The following EBF3 variants were observed in gnomAD, a reference collection of about 807,000 sequenced individuals.
EBF3 encodes the protein transcription factor COE3.
In EBF3, 18 loss-of-function variants were observed where a neutral mutation model predicts 77.1. The observed-to-expected ratio is 0.23, with a 90% CI of 0.16 to 0.35. The LOEUF is 0.35. Ranked by LOEUF, EBF3 falls within the 10% of genes least tolerant of loss-of-function variation. The probability of loss-of-function intolerance (pLI) is 1.00; values close to 1 mark genes in which losing one functional copy is unlikely to be tolerated. For synonymous variants in EBF3, 350 were observed against 343.5 expected (o/e 1.02, Z -0.21); for missense variants, 558 against 860.0 (o/e 0.65, Z 4.39).
chr10:129,851,704 G>A (rs188916404), intron 10 of EBF3, among the ~76,000 whole-genome samples: 40 of 152,268 alleles, frequency 2.6e-4, no homozygotes, highest in African/African-American at 8.9e-4. Context: ...GGGTTGCTGC[G>A]TATAAGAGAT....
At chr10:129,908,595 T>A (rs1229699176) in intron 6 of EBF3, among the ~76,000 whole-genome samples, 1 of 152,150 alleles carries the variant, frequency 6.6e-6, no homozygotes, top group Non-Finnish European at 1.5e-5. Flanking sequence ...CCAAGAAAAC[T>A]CAGACAAAGC....
chr10:129,861,387 G>A lies in EBF3; in HGVS notation c.1039+5754C>T, dbSNP rs573607442. ...AACAAAGGACAAAAACTAAAGTGGCGTCAGGAGAAGTTGTGTTGTTGGAGT... is the reference window on the plus strand; with the variant it reads ...AACAAAGGACAAAAACTAAAGTGGCATCAGGAGAAGTTGTGTTGTTGGAGT... On this transcript the variant is annotated intron_variant, in intron 10 of 16. Coordinates refer to ENST00000440978, the MANE Select transcript of EBF3 (RefSeq NM_001375380.1). This position sits in a 1 kb window ranked among gnomAD's most constrained non-coding sequence, Gnocchi z 4.3. 2.6e-5 allele frequency among the ~76,000 whole-genome samples: 4 copies of A among 152,304 alleles called. No homozygotes were observed. Among genetic ancestry groups the A allele is most frequent in the Admixed American group, 1.3e-4 (2 of 15,292 alleles).
In EBF3 at chr10:129,909,191, C is replaced by G. The variant is rs543298612; in HGVS notation, c.555-31342G>C. On this transcript the variant is annotated intron_variant, in intron 6 of 16. Transcript: ENST00000440978. ...CCACTGCCCAGAACCCATGATCTCC[C>G]CATGGCTGCCCTGGATGGAAGAGGC... 4.6e-5 allele frequency among the ~76,000 whole-genome samples: 7 copies of G among 152,340 alleles called. No homozygotes were observed. The East Asian group carries it at 1.2e-3, about 25-fold the overall frequency.
intron 8 of EBF3, among the ~76,000 whole-genome samples, chr10:129,872,687 G>A (rs1003517088): frequency 1.3e-5 from 2 of 152,122 alleles, no homozygotes; most frequent in African/African-American, 2.4e-5. Flanking sequence ...TCAGAATCTC[G>A]TAATTATTAT....
intron 3 of EBF3, among the ~76,000 whole-genome samples, 187 bp downstream of exon 3, chr10:129,962,755 C>G (rs1564930643): frequency 5.9e-5 from 9 of 152,178 alleles, no homozygotes; most frequent in Admixed American, 5.2e-4. Flanking sequence ...ACTTCAAGCC[C>G]CACCGGTTAA....
chr10:129,900,979 A>T (rs750211438), intron 6 of EBF3, among the ~76,000 whole-genome samples: 1 of 152,298 alleles, frequency 6.6e-6, no homozygotes, highest in Middle Eastern at 3.4e-3. Context: ...ACCAGGTATT[A>T]CCCAACACCC....
At chr10:129,960,562 C>T (rs966754323) in intron 4 of EBF3, among the ~76,000 whole-genome samples, 8 of 151,178 alleles carry the variant, frequency 5.3e-5, no homozygotes, top group South Asian at 2.1e-4. Context: ...GTAGCACAAA[C>T]AGAAATCCAT....
At position 129,873,504 on chromosome 10, in the gene EBF3, C is replaced by T. The variant is rs1295551765; in HGVS notation, c.729G>A (p.Arg243=). The change falls in exon 8 of 17, where the codon CGG becomes CGA. Residue 243 remains arginine, a synonymous_variant. Coordinates refer to ENST00000440978, the MANE Select transcript of EBF3 (RefSeq NM_001375380.1). ...FVHNNSKHGR[R]ARRLDPSEGT... Reference sequence around the variant, plus strand: ...CTTCTGACGGGTCTAGGCGGCGGGCCCGCCTCCCGTGTTTGGAATTGTTGT... The same window carrying T: ...CTTCTGACGGGTCTAGGCGGCGGGCTCGCCTCCCGTGTTTGGAATTGTTGT... The T allele has an allele frequency of 1.3e-6, 2 of 1,592,668 alleles. No homozygotes were observed. Among genetic ancestry groups the T allele is most frequent in the Non-Finnish European group, 1.7e-6 (2 of 1,167,136 alleles).
chr10:129,837,887 G>C lies in EBF3; in HGVS notation c.*56C>G, dbSNP rs766655559. On this transcript the variant is annotated 3_prime_UTR_variant, in exon 17 of 17. Transcript: ENST00000440978. ...ATACTAAACGTGTCCCCTGAAGTCC[G>C]TCCTTTGATGCTGGGTGCTGCGGAA... The C allele has an allele frequency of 1.9e-6, 3 of 1,613,652 alleles. No homozygotes were observed. The highest frequency in any genetic ancestry group is 2.5e-6 in the Non-Finnish European group (3 of 1,179,708).
intron 7 of EBF3, among the ~76,000 whole-genome samples, chr10:129,875,026 T>C (rs1232925547): frequency 6.6e-6 from 1 of 151,998 alleles, no homozygotes; most frequent in East Asian, 1.9e-4. Flanking sequence ...ATAAAATAAT[T>C]AAACTAGTTA....
At chr10:129,904,530 T>C (rs148163208) in intron 6 of EBF3, among the ~76,000 whole-genome samples, 328 of 151,406 alleles carry the variant, frequency 2.2e-3, no homozygotes, top group Non-Finnish European at 3.8e-3. Context: ...CACATATGGA[T>C]AGATGAACAG....
At chr10:129,838,014 G>T in intron 16 of EBF3, 54 bp from the exon 17 acceptor site, 2 of 1,610,252 alleles carry the variant, frequency 1.2e-6, no homozygotes, top group Non-Finnish European at 1.7e-6. Flanking sequence ...GCGCCCTCCC[G>T]CCAACGCTGA....
At chr10:129,865,954 A>ATCTTG (rs1442124890) in intron 10 of EBF3, among the ~76,000 whole-genome samples, 2 of 151,978 alleles carry the variant, frequency 1.3e-5, no homozygotes, top group Non-Finnish European at 2.9e-5. Flanking sequence ...GGCCACAGTC[A>ATCTTG]CCCAGCCACT....
chr10:129,921,597 C>T (rs997007503), intron 6 of EBF3, among the ~76,000 whole-genome samples: 1 of 152,222 alleles, frequency 6.6e-6, no homozygotes, highest in African/African-American at 2.4e-5. Context: ...GTCCATGCCA[C>T]CTTTGCAGCC....
intron 6 of EBF3, among the ~76,000 whole-genome samples, chr10:129,939,271 C>T (rs1208547685): frequency 6.6e-6 from 1 of 152,176 alleles, no homozygotes; most frequent in Non-Finnish European, 1.5e-5. Context: ...CTCCACCCTC[C>T]CCTCTCCCAG....
chr10:129,939,215 G>A (rs1186986968), intron 6 of EBF3, among the ~76,000 whole-genome samples: 2 of 152,198 alleles, frequency 1.3e-5, no homozygotes, highest in East Asian at 1.9e-4. Context: ...CACTCTGGGG[G>A]CAGTGGTGTC....
intron 15 of EBF3, among the ~76,000 whole-genome samples, 161 bp downstream of exon 15, chr10:129,840,084 G>A (rs539988480): frequency 9.8e-5 from 15 of 152,360 alleles, no homozygotes; most frequent in East Asian, 9.7e-4. Flanking sequence ...AGGGGTCCTC[G>A]CTGTGAACAC....
chr10:129,859,518 C>T (rs1448412546), intron 10 of EBF3, among the ~76,000 whole-genome samples: 1 of 152,246 alleles, frequency 6.6e-6, no homozygotes, highest in Non-Finnish European at 1.5e-5. Context: ...AGCCACCACG[C>T]CTAGCCTCAT....
chr10:129,865,063 C>T (rs12769824), intron 10 of EBF3, among the ~76,000 whole-genome samples: 5,690 of 152,284 alleles, frequency 0.037, 241 homozygotes, highest in East Asian at 0.21. Context: ...TGCACGGGGC[C>T]TACAGCCTCT....
Sources: allele counts gnomAD v4.1 joint callset (sites outside exome capture counted in the v4.1 genomes callset), GRCh38; gene constraint gnomAD v4.1.1; non-coding constraint Gnocchi (gnomAD v3.1); transcripts MANE v1.5; gene names NCBI Gene and HGNC (gene_info 2026-07-23, HGNC 2026-07-21).